The following KCNQ1OT1 variants were observed in gnomAD, a reference collection of about 807,000 sequenced individuals.
The protein encoded by KCNQ1OT1 is KCNQ1 antisense RNA 2 (non-protein coding).
chr11:2,644,543 G>A (rs1849637069), exon 1 of KCNQ1OT1: 1 of 398,014 alleles, frequency 2.5e-6, no homozygotes, highest in South Asian at 1.3e-4. Flanking sequence ...ATTTTTCAAG[G>A]TTTCATCAAT....
chr11:2,676,420 G>A lies in KCNQ1OT1; in HGVS notation n.23575C>T. The A allele has an allele frequency of 2.5e-6, 1 of 398,652 alleles. No homozygotes were observed. Among genetic ancestry groups the A allele is most frequent in the South Asian group, 1.3e-4 (1 of 7,864 alleles). The allele number at this position is 398,652 out of a possible 1,614,324, so 24.7% of individuals were successfully genotyped here. A position where few individuals can be genotyped will look rare whatever the true frequency, so the allele number is the denominator to read the frequency against. Reference sequence around the variant, plus strand: ...AGCTAGAGATTTAGCCCAATGGGCTGGGCTTTTCCCAGATAGGACATGCTC... The same window carrying A: ...AGCTAGAGATTTAGCCCAATGGGCTAGGCTTTTCCCAGATAGGACATGCTC... On this transcript the variant is annotated non_coding_transcript_exon_variant, in exon 1 of 1. Coordinates refer to ENST00000597346, the Ensembl canonical transcript of KCNQ1OT1. The surrounding 1 kb of genome is among the most constrained non-coding windows in gnomAD (Gnocchi z 4.2).
rs144657052 is a variant in KCNQ1OT1, at chr11:2,653,339, G to A, written n.46656C>T. The A allele has an allele frequency of 1.5e-3, 584 of 398,734 alleles. 3 individuals carry two copies. The highest frequency in any genetic ancestry group is 0.01 in the African/African-American group (502 of 48,748). 24.7% of individuals were successfully genotyped at this position (398,734 alleles called of 1,614,324 possible). A position where few individuals can be genotyped will look rare whatever the true frequency, so the allele number is the denominator to read the frequency against. On this transcript the variant is annotated non_coding_transcript_exon_variant, in exon 1 of 1. Transcript: ENST00000597346. The surrounding 1 kb of genome is among the most constrained non-coding windows in gnomAD (Gnocchi z 5.3). ...CTTGACTGCCCCCAGGCCCATGTCC[G>A]TAGGCTCACACCTCACCCCCAACTT...
exon 1 of KCNQ1OT1, chr11:2,625,488 C>T (rs1480344353): frequency 1.0e-5 from 4 of 398,108 alleles, no homozygotes; most frequent in Non-Finnish European, 1.8e-5. Context: ...ACTTGTATTT[C>T]CTAATGACTA....
chr11:2,671,700 CT>C lies in KCNQ1OT1; in HGVS notation n.28294del, dbSNP rs2133869079. ...TGACTTTGCAAGGCAATAGAGGGTA[CT>C]TGGGAAGTAGGGTGGTAGGCAAGGC... On this transcript the variant is annotated non_coding_transcript_exon_variant, in exon 1 of 1. Coordinates refer to ENST00000597346, the Ensembl canonical transcript of KCNQ1OT1. The surrounding 1 kb of genome is among the most constrained non-coding windows in gnomAD (Gnocchi z 4.7). The C allele has an allele frequency of 2.5e-6, 1 of 398,706 alleles. No homozygotes were observed. Among genetic ancestry groups the C allele is most frequent in the South Asian group, 1.3e-4 (1 of 7,844 alleles). 24.7% of individuals were successfully genotyped at this position (398,706 alleles called of 1,614,324 possible).
At chr11:2,699,617 G>GAACCGCGCCGAAGAACCCCCGGGGAC (rs781369024) in exon 1 of KCNQ1OT1, 95,118 of 352,316 alleles carry the variant, frequency 0.27, 13,189 homozygotes, top group Middle Eastern at 0.36. Flanking sequence ...CCCCCGGAGA[G>GAACCGCGCCGAAGAACCCCCGGGGAC]AACCGCGCCG....
exon 1 of KCNQ1OT1, chr11:2,699,614 A>AGAGACCCGCGCCGAAGAACCCCCGGG (rs1850746506): frequency 8.6e-6 from 2 of 231,568 alleles, no homozygotes; most frequent in South Asian, 3.3e-4. Flanking sequence ...AGGCCCCCGG[A>AGAGACCCGCGCCGAAGAACCCCCGGG]GAGAACCGCG....
chr11:2,692,654 T>A, exon 1 of KCNQ1OT1: 1 of 398,690 alleles, frequency 2.5e-6, no homozygotes, highest in Non-Finnish European at 4.4e-6. Context: ...CCCCTCAGGG[T>A]GCAAACGGTC....
At position 2,676,989 on chromosome 11, in the gene KCNQ1OT1, A is replaced by G. The variant is rs1850305149; in HGVS notation, n.23006T>C. 2 of 398,660 alleles carry G rather than the reference A, an allele frequency of 5.0e-6. No homozygotes were observed. Among genetic ancestry groups the G allele is most frequent in the Non-Finnish European group, 8.8e-6 (2 of 226,062 alleles). 24.7% of individuals were successfully genotyped at this position (398,660 alleles called of 1,614,324 possible). On this transcript the variant is annotated non_coding_transcript_exon_variant, in exon 1 of 1. Transcript: ENST00000597346. This position sits in a 1 kb window ranked among gnomAD's most constrained non-coding sequence, Gnocchi z 4.2. ...AAATCTCCTTTTCATTAACAGCTGC[A>G]GAGTTTCATTGTGCCATGATTTATG...
Position 2,612,472 on chromosome 11 carries a change from A to G in KCNQ1OT1, n.87523T>C, listed in dbSNP as rs1848997263. 7.5e-6 allele frequency: 3 copies of G among 398,420 alleles called. No individual in the cohort carries two copies. Among genetic ancestry groups the G allele is most frequent in the Non-Finnish European group, 1.3e-5 (3 of 226,058 alleles). 24.7% of individuals were successfully genotyped at this position (398,420 alleles called of 1,614,324 possible). A position where few individuals can be genotyped will look rare whatever the true frequency, so the allele number is the denominator to read the frequency against. Reference sequence around the variant, plus strand: ...CTATTCTTCAGTCTGAATCATCTTTATGGATCTGCGTTGAAGTTCATTGAT... The same window carrying G: ...CTATTCTTCAGTCTGAATCATCTTTGTGGATCTGCGTTGAAGTTCATTGAT... On this transcript the variant is annotated non_coding_transcript_exon_variant, in exon 1 of 1. Coordinates refer to ENST00000597346, the Ensembl canonical transcript of KCNQ1OT1. This position sits in a 1 kb window ranked among gnomAD's most constrained non-coding sequence, Gnocchi z 5.5.
exon 1 of KCNQ1OT1, chr11:2,625,362 C>A (rs1849245947): frequency 5.0e-6 from 2 of 398,466 alleles, no homozygotes; most frequent in Non-Finnish European, 4.4e-6. Flanking sequence ...CTTAGGCTAT[C>A]CTCCCACCTT....
exon 1 of KCNQ1OT1, chr11:2,640,863 T>G: frequency 2.5e-6 from 1 of 399,670 alleles, no homozygotes; most frequent in South Asian, 1.3e-4. Context: ...GTATCTATCC[T>G]TCTACTCTCT....
exon 1 of KCNQ1OT1, chr11:2,665,474 G>A (rs1850050309): frequency 1.0e-5 from 4 of 396,374 alleles, no homozygotes; most frequent in Admixed American, 4.5e-5. Context: ...GGGTGGGGAC[G>A]GTGCCATGCC....
At chr11:2,686,905 C>T (rs1185663210) in exon 1 of KCNQ1OT1, 2 of 398,702 alleles carry the variant, frequency 5.0e-6, no homozygotes, top group Non-Finnish European at 8.8e-6. Flanking sequence ...ATAGAGGCAA[C>T]CCAATCCAGG....
At chr11:2,639,772 T>A in exon 1 of KCNQ1OT1, 1 of 152,530 alleles carries the variant, frequency 6.6e-6, no homozygotes, top group Non-Finnish European at 1.5e-5. Context: ...TGCAGAGGTT[T>A]CTGCTGCCTT....
rs535244024 is a variant in KCNQ1OT1 at position 2,670,278 on chromosome 11, C to G, written n.29717G>C. 1 of 398,564 alleles carries G rather than the reference C, an allele frequency of 2.5e-6. No homozygotes were observed. Among genetic ancestry groups the G allele is most frequent in the South Asian group, 1.3e-4 (1 of 7,844 alleles). 24.7% of individuals were successfully genotyped at this position (398,564 alleles called of 1,614,324 possible). A position where few individuals can be genotyped will look rare whatever the true frequency, so the allele number is the denominator to read the frequency against. On this transcript the variant is annotated non_coding_transcript_exon_variant, in exon 1 of 1. Coordinates refer to ENST00000597346, the Ensembl canonical transcript of KCNQ1OT1. The surrounding 1 kb of genome is among the most constrained non-coding windows in gnomAD (Gnocchi z 4.9). The stretch of plus-strand genomic sequence containing the variant: ...GGAAGAGGACCATGGTAGCTTGTCT[C>G]TAGGCAACCCATAGGTGCCCAATGG...
Position 2,678,702 on chromosome 11 carries a change from C to G in KCNQ1OT1, n.21293G>C, listed in dbSNP as rs1253151645. ...TGGCATGGCCTAAGATCTAAACACT[C>G]TTAAGATTTAAACACAGGATTAGCT... On this transcript the variant is annotated non_coding_transcript_exon_variant, in exon 1 of 1. Coordinates refer to ENST00000597346, the Ensembl canonical transcript of KCNQ1OT1. This position sits in a 1 kb window ranked among gnomAD's most constrained non-coding sequence, Gnocchi z 4.9. 1 of 398,482 alleles carries G rather than the reference C, an allele frequency of 2.5e-6. No individual in the cohort carries two copies. The highest frequency in any genetic ancestry group is 2.1e-5 in the African/African-American group (1 of 48,622). The allele number at this position is 398,482 out of a possible 1,614,324, so 24.7% of individuals were successfully genotyped here.
chr11:2,694,482 CCAAG>C (rs1447898979), exon 1 of KCNQ1OT1: 19 of 398,462 alleles, frequency 4.8e-5, no homozygotes, highest in Non-Finnish European at 4.4e-6. Flanking sequence ...ACATCCTGTC[CCAAG>C]CATTACCAGT....
Position 2,654,124 on chromosome 11 carries a change from G to A in KCNQ1OT1, n.45871C>T, listed in dbSNP as rs533744207. On this transcript the variant is annotated non_coding_transcript_exon_variant, in exon 1 of 1. Transcript: ENST00000597346. The surrounding 1 kb of genome is among the most constrained non-coding windows in gnomAD (Gnocchi z 6.4). ...TCTGAGTGGAGACACAGGTGGTGGCGGGGCCACTCTGGCTCAGGGTCTATG... is the reference window on the plus strand; with the variant it reads ...TCTGAGTGGAGACACAGGTGGTGGCAGGGCCACTCTGGCTCAGGGTCTATG... The A allele has an allele frequency of 1.1e-4, 43 of 398,708 alleles. 1 individual carries two copies. In the East Asian group the frequency reaches 1.4e-3, roughly 13 times the overall value. The allele number at this position is 398,708 out of a possible 1,614,324, so 24.7% of individuals were successfully genotyped here.
At chr11:2,622,872 C>T (rs1849198244) in exon 1 of KCNQ1OT1, 1 of 398,512 alleles carries the variant, frequency 2.5e-6, no homozygotes, top group Non-Finnish European at 4.4e-6. Flanking sequence ...TATGAATCTG[C>T]ATTTACACAT....
Sources: gnomAD v4.1 joint callset for allele counts on GRCh38, gnomAD v4.1.1 for gene constraint, Gnocchi (gnomAD v3.1) non-coding constraint, MANE v1.5 for transcripts, NCBI Gene and HGNC (gene_info 2026-07-23, HGNC 2026-07-21) for gene names.